SCNN1D: variants seen among roughly 807,000 people sequenced by gnomAD.
SCNN1D encodes sodium channel epithelial 1 subunit delta, also known as epithelial sodium channel subunit delta.
Under a neutral mutation model 87.8 loss-of-function variants are expected in SCNN1D, and 104 were observed. That is an observed-to-expected ratio of 1.18 (90% CI 1.01 to 1.39). The LOEUF (loss-of-function observed/expected upper bound fraction) is 1.39, where lower values mean the gene tolerates loss of function less well. Among genes scored for constraint, SCNN1D ranks in the 40% most tolerant of loss-of-function variants. The pLI is 0.00. For missense variants in SCNN1D, 1,324 were observed against 1,093.9 expected (o/e 1.21, Z -2.97); for synonymous variants, 628 against 481.2 (o/e 1.31, Z -3.99).
rs745762119 is a variant in SCNN1D at position 1,286,167 on chromosome 1, T to C, written c.800T>C (p.Leu267Pro). Reference sequence around the variant, plus strand: ...GCCCTGGTCGCGCTCTGCTGGCAGCTGGGGCTCCTCTTTGAGCGTCACTGG... The same window carrying C: ...GCCCTGGTCGCGCTCTGCTGGCAGCCGGGGCTCCTCTTTGAGCGTCACTGG... ...LGALVALCWQ[L>P]GLLFERHWHR... The change falls in exon 7 of 18, where the codon CTG becomes CCG. Residue 267 changes from leucine (L) to proline (P), a missense_variant. Coordinates refer to ENST00000379116, the MANE Select transcript of SCNN1D (RefSeq NM_001130413.4). 2 of 1,607,142 alleles carry C rather than the reference T, an allele frequency of 1.2e-6. No individual in the cohort carries two copies. The highest frequency in any genetic ancestry group is 1.7e-4 in the Middle Eastern group (1 of 6,056).
chr1:1,285,663 A>C lies in SCNN1D; in HGVS notation c.557A>C (p.Gln186Pro), dbSNP rs1640572724. Reference sequence around the variant, plus strand: ...CACAACGCTGCCTGCAAACAGGGCCAGGTAGGGCCTGAGCACCCTGTTCTC... The same window carrying C: ...CACAACGCTGCCTGCAAACAGGGCCCGGTAGGGCCTGAGCACCCTGTTCTC... ...TQHNAACKQG[Q>P]AAAQTPPRPG... Residue 186 changes from glutamine (Q) to proline (P), a missense_variant and splice_region_variant, in exon 6 of 18, where the codon CAG (glutamine) becomes CCG (proline). Transcript: ENST00000379116. The C allele has an allele frequency of 6.5e-7, 1 of 1,538,504 alleles. No homozygotes were observed. The highest frequency in any genetic ancestry group is 2.5e-5 in the East Asian group (1 of 40,804).
rs749757589 is a variant in SCNN1D at position 1,286,846 on chromosome 1, C to T, written c.990C>T (p.Asn330=). 6.2e-7 allele frequency: 1 copy of T among 1,612,720 alleles called. No homozygotes were observed. The highest frequency in any genetic ancestry group is 8.5e-7 in the Non-Finnish European group (1 of 1,179,924). ...ACATTGACTCCCTGTACAACGTCAA[C>T]CTCAGCAAAGGCAGAGCCGCCCTCT... The part of the protein sequence containing the change: ...RENIDSLYNV[N]LSKGRAALSA... Residue 330 remains asparagine (N), a synonymous_variant, in exon 8 of 18, where the codon AAC becomes AAT. Transcript: ENST00000379116.
In SCNN1D at chr1:1,291,408, G is replaced by C; in HGVS notation, c.2207G>C (p.Trp736Ser). ...GRRLRRAWFS[W>S]PRASPASGAS... ...CGGCTCCGCAGGGCGTGGTTCTCCT[G>C]GCCCAGAGCCAGCCCTGCCTCAGGG... Residue 736 changes from tryptophan (W) to serine (S), a missense_variant, in exon 18 of 18, where the codon TGG becomes TCG. By Grantham distance (177) the Trp-to-Ser change is radical. Coordinates refer to ENST00000379116, the MANE Select transcript of SCNN1D (RefSeq NM_001130413.4). The C allele has an allele frequency of 6.2e-7, 1 of 1,608,030 alleles. No individual in the cohort carries two copies. The highest frequency in any genetic ancestry group is 8.5e-7 in the Non-Finnish European group (1 of 1,178,102).
chr1:1,287,473 G>C (rs763862348), intron 9 of SCNN1D, 35 bp from the exon 10 acceptor site: 1 of 1,511,212 alleles, frequency 6.6e-7, no homozygotes. Context: ...GCGGGCAGCC[G>C]ACATTCAAGG....
rs143429630 is a variant in SCNN1D at position 1,291,390 on chromosome 1, G to T, written c.2189G>T (p.Arg730Leu). ...CTGGTGCTAGGCGGCCGCCGGCTCCGCAGGGCGTGGTTCTCCTGGCCCAGA... is the reference window on the plus strand; with the variant it reads ...CTGGTGCTAGGCGGCCGCCGGCTCCTCAGGGCGTGGTTCTCCTGGCCCAGA... ...LTLVLGGRRLRRAWFSWPRAS... is the reference protein window; with the variant it reads ...LTLVLGGRRLLRAWFSWPRAS... The change falls in exon 18 of 18, where the codon CGC (arginine) becomes CTC (leucine). Residue 730 changes from arginine to leucine, a missense_variant. Physicochemically the swap from Arg to Leu is moderately radical, Grantham distance 102 (BLOSUM62 -2). Transcript: ENST00000379116. 15 of 1,608,096 alleles carry T rather than the reference G, an allele frequency of 9.3e-6. No individual in the cohort carries two copies. The highest frequency in any genetic ancestry group is 1.3e-5 in the African/African-American group (1 of 74,820).
In SCNN1D at chr1:1,291,614, A is replaced by G. The variant is rs1640821929; in HGVS notation, c.*4A>G. The G allele has an allele frequency of 6.6e-7, 1 of 1,518,136 alleles. No individual in the cohort carries two copies. The highest frequency in any genetic ancestry group is 1.4e-5 in the African/African-American group (1 of 71,786). 94.0% of individuals were successfully genotyped at this position (1,518,136 alleles called of 1,614,324 possible). A position where few individuals can be genotyped will look rare whatever the true frequency, so the allele number is the denominator to read the frequency against. ...CCTTGAGACTCTGGACACCTGAACC[A>G]GACCTGCCAGGGCTGTGCGATCTCT... On this transcript the variant is annotated 3_prime_UTR_variant, in exon 18 of 18. Transcript: ENST00000379116.
rs1640684628 is a variant in SCNN1D at position 1,288,541 on chromosome 1, GCTCCGTC to G, written c.1662+506_1662+512del. ...TGTCCCTGCTCCGTCCCGTGTCTCT[GCTCCGTC>G]CCCCGTGTCTCTGCTCCGTCCCCCG... On this transcript the variant is annotated intron_variant, in intron 12 of 17. Coordinates refer to ENST00000379116, the MANE Select transcript of SCNN1D (RefSeq NM_001130413.4). Among the ~76,000 whole-genome samples the G allele has an allele frequency of 1.6e-4, 9 of 54,666 alleles. 1 individual carries two copies. Among genetic ancestry groups the G allele is most frequent in the Admixed American group, 2.8e-4 (1 of 3,554 alleles). 35.9% of individuals were successfully genotyped at this position (54,666 alleles called of 152,430 possible).
Position 1,283,998 on chromosome 1 carries a change from G to T in SCNN1D, c.372G>T (p.Leu124=), listed in dbSNP as rs1426792772. ...AATAGGAGGCCAGAGGCTCCATCCT[G>T]CTTCAGAGCTGCCAGCTGCCCCCGC... is the stretch of plus-strand genomic sequence containing the variant. ...QSRQEARGSI[L]LQSCQLPPQW... The change falls in exon 5 of 18, where the codon CTG becomes CTT. Residue 124 remains leucine, a synonymous_variant. Transcript: ENST00000379116. The T allele has an allele frequency of 6.9e-7, 1 of 1,448,492 alleles. No individual in the cohort carries two copies. The highest frequency in any genetic ancestry group is 9.0e-7 in the Non-Finnish European group (1 of 1,105,384). The allele number at this position is 1,448,492 out of a possible 1,614,324, so 89.7% of individuals were successfully genotyped here.
Position 1,290,342 on chromosome 1 carries a change from G to A in SCNN1D, c.1734G>A (p.Leu578=). The change falls in exon 13 of 18, where the codon CTG becomes CTA. Residue 578 remains leucine, a synonymous_variant. Coordinates refer to ENST00000379116, the MANE Select transcript of SCNN1D (RefSeq NM_001130413.4). Reference sequence around the variant, plus strand: ...CCTGTGGCTACTACCTCCACCCTCTGCCGGCGGGGGCTGAGTACTGCAGCT... The same window carrying A: ...CCTGTGGCTACTACCTCCACCCTCTACCGGCGGGGGCTGAGTACTGCAGCT... ...TCSCGYYLHP[L]PAGAEYCSSA... 2 of 1,595,732 alleles carry A rather than the reference G, an allele frequency of 1.3e-6. No individual in the cohort carries two copies. Among genetic ancestry groups the A allele is most frequent in the Non-Finnish European group, 1.7e-6 (2 of 1,169,314 alleles).
intron 4 of SCNN1D, 147 bp downstream of exon 4, chr1:1,282,462 G>A (rs957415826): frequency 5.3e-5 from 49 of 922,416 alleles, no homozygotes; most frequent in African/African-American, 2.7e-4. Context: ...GGCCCGGCTC[G>A]GGTCTGGTCA....
At chr1:1,282,693 A>G (rs1640495994) in intron 4 of SCNN1D, among the ~76,000 whole-genome samples, 1 of 150,488 alleles carries the variant, frequency 6.6e-6, no homozygotes, top group South Asian at 2.1e-4. Context: ...AGCGTGTGTG[A>G]GGTATTAGCA....
intron 17 of SCNN1D, 35 bp downstream of exon 17, chr1:1,291,175 G>GT: frequency 6.2e-7 from 1 of 1,602,856 alleles, no homozygotes; most frequent in Non-Finnish European, 8.5e-7. Flanking sequence ...CTAGAGCGGG[G>GT]GCAGCGACAG....
chr1:1,280,611 A>G lies in SCNN1D; in HGVS notation c.-51A>G, dbSNP rs1640451050. ...ACTATAAATGCTTCTCATCAGACTC[A>G]AGGCCTGAGGTGATGCTGATGCTGT... On this transcript the variant is annotated 5_prime_UTR_variant, in exon 1 of 18. Coordinates refer to ENST00000379116, the MANE Select transcript of SCNN1D (RefSeq NM_001130413.4). 14 of 696,744 alleles carry G rather than the reference A, an allele frequency of 2.0e-5. No individual in the cohort carries two copies. In the East Asian group the frequency reaches 3.8e-4, roughly 19 times the overall value. 43.2% of individuals were successfully genotyped at this position (696,744 alleles called of 1,614,324 possible). A position where few individuals can be genotyped will look rare whatever the true frequency, so the allele number is the denominator to read the frequency against.
intron 4 of SCNN1D, 128 bp from the exon 5 acceptor site, chr1:1,283,850 T>C: frequency 2.0e-6 from 1 of 488,042 alleles, no homozygotes; most frequent in East Asian, 4.7e-5. Context: ...AGATTTCACC[T>C]GCAGAGGGAT....
chr1:1,287,459 G>C (rs1253184537), intron 9 of SCNN1D, 49 bp from the exon 10 acceptor site: 2 of 1,502,296 alleles, frequency 1.3e-6, no homozygotes, highest in Admixed American at 2.2e-5. Flanking sequence ...CCAGCGTGAC[G>C]GGCGCGGGCA....
chr1:1,280,852 C>A, intron 1 of SCNN1D, 186 bp downstream of exon 1: 1 of 594,394 alleles, frequency 1.7e-6, no homozygotes, highest in Non-Finnish European at 3.0e-6. Flanking sequence ...ACCGGCCAGA[C>A]CCCAAGCTCC....
Position 1,282,322 on chromosome 1 carries a change from G to A in SCNN1D, c.351+7G>A. ...TTCCTTCCAGAGCCGGCAGGCAGGT[G>A]ACCTCACCCTCCTCAGAGCCATGGC... On this transcript the variant is annotated splice_region_variant and intron_variant, in intron 4 of 17. Transcript: ENST00000379116. The A allele has an allele frequency of 1.3e-6, 2 of 1,550,086 alleles. No individual in the cohort carries two copies.
At chr1:1,290,808 T>C (rs1258025118) in intron 15 of SCNN1D, 87 bp from the exon 16 acceptor site, 2 of 1,578,210 alleles carry the variant, frequency 1.3e-6, no homozygotes, top group East Asian at 2.3e-5. Context: ...CTATGCCCCG[T>C]GGTCTCTGCC....
rs185904789 is a variant in SCNN1D, at chr1:1,287,727, C to T, written c.1454C>T (p.Thr485Met). The T allele has an allele frequency of 5.1e-5, 82 of 1,609,084 alleles. No individual in the cohort carries two copies. Among genetic ancestry groups the T allele is most frequent in the East Asian group, 2.9e-4 (13 of 44,690 alleles). ...CAGCCTCACCTCCCTCTGCTGTCCA[C>T]GCTGGCCGGCATCAGGGTCATGGTT... ...EQQPHLPLLS[T>M]LAGIRVMVHG... Residue 485 changes from threonine (T) to methionine (M), a missense_variant, in exon 11 of 18, where the codon ACG (threonine) becomes ATG (methionine). Physicochemically the swap from Thr to Met is moderately conservative, Grantham distance 81. Transcript: ENST00000379116.
Sources: gnomAD v4.1 joint callset for allele counts (sites outside exome capture counted in the v4.1 genomes callset) on GRCh38, gnomAD v4.1.1 for gene constraint, MANE v1.5 for transcripts, NCBI Gene and HGNC (gene_info 2026-07-23, HGNC 2026-07-21) for gene names.